Variants in STPG2 observed in about 807,000 individuals in gnomAD.
The protein encoded by STPG2 is sperm tail PG-rich repeat containing 2.
STPG2 carries 56 observed loss-of-function variants against 54.2 expected under a neutral mutation model. The ratio of observed to expected loss-of-function variants is 1.03; its 90% CI spans 0.83 to 1.29. STPG2 has a LOEUF of 1.29. STPG2 is among the 50% of genes most tolerant of loss of function. STPG2 has a pLI of 0.00. For missense variants in STPG2, 596 were observed against 544.9 expected, an observed-to-expected ratio of 1.09 and a Z score of -0.93; for synonymous variants, 200 against 181.8, an observed-to-expected ratio of 1.10 and a Z score of -0.81.
At chr4:97,817,298 A>C (rs1025014052) in intron 9 of STPG2, among the ~76,000 whole-genome samples, 5 of 151,450 alleles carry the variant, frequency 3.3e-5, no homozygotes, top group African/African-American at 1.2e-4. Flanking sequence ...TACTGGCACT[A>C]TGAACTATCT....
At chr4:97,472,201 G>T (rs981078791) in intron 4 of STPG2, among the ~76,000 whole-genome samples, 6 of 152,198 alleles carry the variant, frequency 3.9e-5, no homozygotes, top group South Asian at 2.1e-4. Flanking sequence ...ACTTAGTGGG[G>T]CAGAAATTCA....
intron 4 of STPG2, 51 bp downstream of exon 4, chr4:98,109,142 A>G: frequency 1.8e-6 from 2 of 1,139,552 alleles, no homozygotes; most frequent in Non-Finnish European, 2.5e-6. Context: ...TTATTAAAAT[A>G]CTTTTCTAGT....
At chr4:97,871,483 T>G (rs1036297379) in intron 8 of STPG2, among the ~76,000 whole-genome samples, 6 of 150,940 alleles carry the variant, frequency 4.0e-5, no homozygotes, top group African/African-American at 1.5e-4. Flanking sequence ...AATTATTGAA[T>G]CAGAAGAAAT....
intron 7 of STPG2, among the ~76,000 whole-genome samples, chr4:97,961,150 A>G (rs768723150): frequency 1.3e-5 from 2 of 152,044 alleles, no homozygotes; most frequent in African/African-American, 4.8e-5. Context: ...AGCCAAATGT[A>G]GGAGAATGAA....
At chr4:97,864,117 G>T (rs1382568810) in intron 8 of STPG2, among the ~76,000 whole-genome samples, 4 of 152,096 alleles carry the variant, frequency 2.6e-5, no homozygotes, top group South Asian at 2.1e-4. Flanking sequence ...GCAGGAGAAA[G>T]AAATAAAGGG....
At chr4:97,497,046 A>G (rs1236055021) in intron 4 of STPG2, among the ~76,000 whole-genome samples, 2 of 151,574 alleles carry the variant, frequency 1.3e-5, no homozygotes, top group South Asian at 4.1e-4. Context: ...GGAAAAAAGA[A>G]GCATTATTAA....
At chr4:97,558,163 T>C (rs1732125452), downstream of STPG2, among the ~76,000 whole-genome samples, 1 of 152,214 alleles carries the variant, frequency 6.6e-6, no homozygotes. Context: ...AGTGACATTG[T>C]ATGGATTCAG....
chr4:97,656,308 A>T (rs1722217265), intron 10 of STPG2, among the ~76,000 whole-genome samples: 1 of 152,156 alleles, frequency 6.6e-6, no homozygotes, highest in South Asian at 2.1e-4. Flanking sequence ...TGTGTCTTCA[A>T]AATAAAAGGT....
rs963189166 is a variant in STPG2, at chr4:98,006,395, C to T, written c.613-25077G>A. ...GAGGAGAGGCTGTGAGAAGTAAAGG[C>T]TGTGAGAGACTGTGAGAAGTGAAGG... On this transcript the variant is annotated intron_variant, in intron 5 of 10. Coordinates refer to ENST00000295268, the MANE Select transcript of STPG2 (RefSeq NM_174952.3). 2.0e-5 allele frequency among the ~76,000 whole-genome samples: 3 copies of T among 152,128 alleles called. No homozygotes were observed. In the South Asian group the frequency reaches 6.2e-4, roughly 32 times the overall value.
At chr4:97,954,035 A>T (rs1402977708) in intron 7 of STPG2, among the ~76,000 whole-genome samples, 2 of 152,200 alleles carry the variant, frequency 1.3e-5, no homozygotes, top group African/African-American at 4.8e-5. Flanking sequence ...TTACGTTAAA[A>T]ATTTCCAAAA....
In STPG2 at chr4:97,541,406, G is replaced by C. The variant is rs942810543; in HGVS notation, c.462+171293C>G. On this transcript the variant is annotated intron_variant, in intron 4 of 4. Transcript: ENST00000522676. ...GAGAATAAAATACCTAGGAATCCAAGTTACAAGGGATGTGTAGGATCTGTT... is the reference window on the plus strand; with the variant it reads ...GAGAATAAAATACCTAGGAATCCAACTTACAAGGGATGTGTAGGATCTGTT... Among the ~76,000 whole-genome samples, 13 of 152,052 alleles carry C rather than the reference G, an allele frequency of 8.5e-5. 1 individual carries two copies. Among genetic ancestry groups the C allele is most frequent in the Admixed American group, 2.0e-4 (3 of 15,258 alleles).
chr4:97,751,218 T>C (rs775051577), intron 9 of STPG2, among the ~76,000 whole-genome samples: 1 of 151,850 alleles, frequency 6.6e-6, no homozygotes, highest in Non-Finnish European at 1.5e-5. Flanking sequence ...ACCTGGAACA[T>C]TGTGCCTAGT....
intron 9 of STPG2, among the ~76,000 whole-genome samples, chr4:97,810,394 G>C (rs1183461315): frequency 1.3e-5 from 2 of 150,824 alleles, no homozygotes; most frequent in Non-Finnish European, 2.9e-5. Flanking sequence ...AACCCGGGGG[G>C]CAGAGGTTGC....
At chr4:98,075,866 G>A (rs892418829) in intron 5 of STPG2, among the ~76,000 whole-genome samples, 7 of 152,278 alleles carry the variant, frequency 4.6e-5, no homozygotes, top group Admixed American at 3.3e-4. Context: ...ATTTTTTAGG[G>A]AGTTTAACTA....
chr4:97,807,654 G>T (rs1213801689), intron 9 of STPG2, among the ~76,000 whole-genome samples: 5 of 151,768 alleles, frequency 3.3e-5, no homozygotes, highest in African/African-American at 9.7e-5. Context: ...TGAAAAAGTT[G>T]TAAGAGGAAA....
chr4:97,525,920 T>C lies in STPG2; in HGVS notation c.462+186779A>G, dbSNP rs141557916. Among the ~76,000 whole-genome samples the C allele has an allele frequency of 4.1e-3, 630 of 152,158 alleles. 3 individuals carry two copies. Among genetic ancestry groups the C allele is most frequent in the South Asian group, 0.02 (96 of 4,826 alleles). ...AATTTATTTTATGCATTATTTAAAT[T>C]CACTGTTTAAAAATGTTCAAAAGGC... On this transcript the variant is annotated intron_variant, in intron 4 of 4. Transcript: ENST00000522676.
intron 9 of STPG2, among the ~76,000 whole-genome samples, chr4:97,801,906 C>A (rs562578694): frequency 3.3e-5 from 5 of 152,254 alleles, no homozygotes; most frequent in African/African-American, 1.2e-4. Context: ...ACAGGAATTA[C>A]AATGTAACGT....
At chr4:97,489,219 A>G (rs1362557973) in intron 4 of STPG2, among the ~76,000 whole-genome samples, 2 of 151,720 alleles carry the variant, frequency 1.3e-5, no homozygotes, top group South Asian at 2.1e-4. Context: ...ATTTGGAACT[A>G]TAAGTCCATT....
intron 9 of STPG2, among the ~76,000 whole-genome samples, chr4:97,830,443 A>G (rs1368727848): frequency 6.6e-6 from 1 of 152,150 alleles, no homozygotes; most frequent in African/African-American, 2.4e-5. Context: ...AAGTCCATCA[A>G]CTCTATGAAG....
Sources: allele counts gnomAD v4.1 joint callset (sites outside exome capture counted in the v4.1 genomes callset), GRCh38; gene constraint gnomAD v4.1.1; transcripts MANE v1.5; gene names NCBI Gene and HGNC (gene_info 2026-07-23, HGNC 2026-07-21).